CNST: variants seen among roughly 807,000 people sequenced by gnomAD.
The protein encoded by CNST is consortin, connexin sorting protein.
A neutral mutation model predicts 72.4 loss-of-function variants in CNST; 39 were observed. The observed-to-expected ratio is 0.54, with a 90% CI of 0.42 to 0.70. CNST has a LOEUF of 0.70. CNST is among the 30% of genes least tolerant of loss of function. The pLI, the probability that CNST is intolerant of heterozygous loss-of-function variation, is 0.00. For synonymous variants in CNST, 332 were observed against 320.1 expected, an observed-to-expected ratio of 1.04 and a Z score of -0.40; for missense variants, 871 against 868.5, an observed-to-expected ratio of 1.00 and a Z score of -0.04.
At chr1:246,569,753 A>G (rs1659951217) in intron 1 of CNST, 1 of 156,546 alleles carries the variant, frequency 6.4e-6, no homozygotes, top group East Asian at 1.9e-4. Flanking sequence ...TGACTGTGTT[A>G]ACGTTGAGCC....
At chr1:246,583,366 ACT>A (rs1437103420) in intron 1 of CNST, among the ~76,000 whole-genome samples, 1 of 152,096 alleles carries the variant, frequency 6.6e-6, no homozygotes, top group Non-Finnish European at 1.5e-5. Context: ...CATTCCTCTG[ACT>A]CTCAAAGAAA....
At chr1:246,653,477 AG>A (rs1328147752) in intron 9 of CNST, among the ~76,000 whole-genome samples, 2 of 152,258 alleles carry the variant, frequency 1.3e-5, no homozygotes, top group Non-Finnish European at 2.9e-5. Context: ...TGAGAGGAGC[AG>A]GGGAAGTCCA....
rs561808213 is a variant in CNST at position 246,646,258 on chromosome 1, T to C, written c.938-881T>C. 3.7e-3 allele frequency among the ~76,000 whole-genome samples: 430 copies of C among 116,770 alleles called. 1 individual carries two copies. The highest frequency in any genetic ancestry group is 0.017 in the South Asian group (56 of 3,222). The allele number at this position is 116,770 out of a possible 152,430, so 76.6% of individuals were successfully genotyped here. ...TCGCGCCACTGTGCTCCAGCCTGGG[T>C]GACAGAGCGAAACTCCGTCTCAAAA... On this transcript the variant is annotated intron_variant, in intron 8 of 10. Coordinates refer to ENST00000366513, the MANE Select transcript of CNST (RefSeq NM_152609.3).
At chr1:246,610,810 G>T (rs79219807) in intron 2 of CNST, among the ~76,000 whole-genome samples, 31 of 152,024 alleles carry the variant, frequency 2.0e-4, no homozygotes, top group Non-Finnish European at 3.1e-4. Flanking sequence ...GAGCTGTCGC[G>T]TGTAGCTTTC....
intron 9 of CNST, among the ~76,000 whole-genome samples, chr1:246,652,893 A>G (rs1417645846): frequency 1.0e-5 from 1 of 100,224 alleles, no homozygotes; most frequent in East Asian, 3.9e-4. Flanking sequence ...AGTCCCAGCT[A>G]CTCGGGAGGC....
At chr1:246,614,303 C>T (rs1328579170) in intron 2 of CNST, among the ~76,000 whole-genome samples, 1 of 152,042 alleles carries the variant, frequency 6.6e-6, no homozygotes, top group African/African-American at 2.4e-5. Flanking sequence ...TGACTGTAAC[C>T]TCTCACATGA....
chr1:246,659,476 T>A (rs1475209887), intron 9 of CNST, among the ~76,000 whole-genome samples: 1 of 151,928 alleles, frequency 6.6e-6, no homozygotes. Context: ...GTGCCTGTAG[T>A]CCCAGCTACC....
intron 3 of CNST, among the ~76,000 whole-genome samples, chr1:246,627,618 C>T (rs1664519500): frequency 6.6e-6 from 1 of 152,168 alleles, no homozygotes; most frequent in Admixed American, 6.6e-5. Context: ...AGTCCTGTTT[C>T]GAGTGGATCA....
intron 6 of CNST, among the ~76,000 whole-genome samples, chr1:246,638,778 A>G (rs1274360997): frequency 6.6e-6 from 1 of 152,076 alleles, no homozygotes; most frequent in Non-Finnish European, 1.5e-5. Flanking sequence ...GGTTTGGAAA[A>G]AGTATAAGAA....
At position 246,648,128 on chromosome 1, in the gene CNST, C is replaced by G. The variant is rs534445170; in HGVS notation, c.1836+91C>G. 53 of 1,475,814 alleles carry G rather than the reference C, an allele frequency of 3.6e-5. No homozygotes were observed. The African/African-American group carries it at 7.2e-4, about 20-fold the overall frequency. The allele number at this position is 1,475,814 out of a possible 1,614,324, so 91.4% of individuals were successfully genotyped here. On this transcript the variant is annotated intron_variant, in intron 9 of 10. Coordinates refer to ENST00000366513, the MANE Select transcript of CNST (RefSeq NM_152609.3). Reference sequence around the variant, plus strand: ...TATTGCCTTGTTTTTGTAAGTTTTCCCTTGTCTCAAACATGAGGGAAAATT... The same window carrying G: ...TATTGCCTTGTTTTTGTAAGTTTTCGCTTGTCTCAAACATGAGGGAAAATT...
intron 2 of CNST, among the ~76,000 whole-genome samples, chr1:246,596,493 TTTA>T (rs1400363456): frequency 3.3e-5 from 5 of 152,234 alleles, no homozygotes; most frequent in East Asian, 1.9e-4. Context: ...CCATTACTTA[TTTA>T]TTATTATTTT....
intron 3 of CNST, among the ~76,000 whole-genome samples, chr1:246,626,285 A>C (rs1659055964): frequency 6.6e-6 from 1 of 151,384 alleles, no homozygotes; most frequent in South Asian, 2.1e-4. Context: ...TCCTGGCCTC[A>C]AGTGATCTTC....
chr1:246,603,062 A>G (rs1417418420), intron 2 of CNST, among the ~76,000 whole-genome samples: 5 of 152,194 alleles, frequency 3.3e-5, no homozygotes, highest in Admixed American at 6.5e-5. Context: ...AAGTAATGTG[A>G]TATTTTATGT....
At chr1:246,665,141 A>T (rs1667336634) in intron 10 of CNST, among the ~76,000 whole-genome samples, 2 of 152,166 alleles carry the variant, frequency 1.3e-5, no homozygotes, top group Non-Finnish European at 2.9e-5. Flanking sequence ...AGGCCATGAC[A>T]TGAAGATAAC....
intron 2 of CNST, among the ~76,000 whole-genome samples, chr1:246,597,215 G>A (rs2103033336): frequency 6.6e-6 from 1 of 152,228 alleles, no homozygotes; most frequent in Non-Finnish European, 1.5e-5. Flanking sequence ...CTGACTATTT[G>A]ATTATCTCCA....
intron 2 of CNST, among the ~76,000 whole-genome samples, 189 bp downstream of exon 2, chr1:246,592,130 C>A (rs1024990207): frequency 6.6e-6 from 1 of 152,134 alleles, no homozygotes. Flanking sequence ...ACTGTTCCAC[C>A]GTATGGGTGT....
intron 2 of CNST, among the ~76,000 whole-genome samples, chr1:246,619,824 A>T (rs1048646591): frequency 6.6e-6 from 1 of 150,620 alleles, no homozygotes; most frequent in East Asian, 2.0e-4. Flanking sequence ...CTCTGGGCAC[A>T]CTCTACAGGG....
At chr1:246,578,363 T>C (rs1459591171) in intron 1 of CNST, among the ~76,000 whole-genome samples, 2 of 152,090 alleles carry the variant, frequency 1.3e-5, no homozygotes, top group Admixed American at 1.3e-4. Context: ...AATGTTTCAG[T>C]GTGGATTCTG....
At chr1:246,637,962 C>T (rs894064455) in intron 6 of CNST, among the ~76,000 whole-genome samples, 5 of 152,100 alleles carry the variant, frequency 3.3e-5, no homozygotes, top group African/African-American at 1.2e-4. Flanking sequence ...AGGTACCTGG[C>T]CCTGGGCTTG....
Sources: allele counts gnomAD v4.1 joint callset (sites outside exome capture counted in the v4.1 genomes callset), GRCh38; gene constraint gnomAD v4.1.1; transcripts MANE v1.5; gene names NCBI Gene and HGNC (gene_info 2026-07-23, HGNC 2026-07-21).